The following TRPM3 variants were observed in gnomAD, a reference collection of about 807,000 sequenced individuals.
The protein encoded by TRPM3 is transient receptor potential cation channel subfamily M member 3.
Under a neutral mutation model 181.2 loss-of-function variants are expected in TRPM3, and 77 were observed. The ratio of observed to expected loss-of-function variants is 0.42; its 90% CI spans 0.35 to 0.51. The LOEUF (loss-of-function observed/expected upper bound fraction) is 0.51, where lower values mean the gene tolerates loss of function less well. Among genes scored for constraint, TRPM3 ranks in the 20% least tolerant of loss-of-function variants. The probability of loss-of-function intolerance (pLI) is 0.01; values close to 1 mark genes in which losing one functional copy is unlikely to be tolerated. For synonymous variants in TRPM3, 745 were observed against 796.4 expected, an observed-to-expected ratio of 0.94 and a Z score of 1.09; for missense variants, 1,759 against 2,196.7, an observed-to-expected ratio of 0.80 and a Z score of 3.98.
chr9:70,671,537 A>G (rs2062926600), intron 9 of TRPM3, among the ~76,000 whole-genome samples: 1 of 81,274 alleles, frequency 1.2e-5, no homozygotes, highest in Admixed American at 1.0e-4. Flanking sequence ...AGTGATTATT[A>G]TAATAAACAT....
intron 1 of TRPM3, among the ~76,000 whole-genome samples, chr9:71,007,448 C>G (rs2097691998): frequency 6.6e-6 from 1 of 151,572 alleles, no homozygotes; most frequent in Non-Finnish European, 1.5e-5. Context: ...GAACATTCTC[C>G]AAAAAAACTG....
chr9:70,908,786 A>G (rs1261397942), intron 1 of TRPM3, among the ~76,000 whole-genome samples: 1 of 152,158 alleles, frequency 6.6e-6, no homozygotes, highest in Non-Finnish European at 1.5e-5. Context: ...AGAATAATAG[A>G]CCAATGGAAC....
chr9:70,697,425 C>T (rs1283158322), intron 8 of TRPM3, among the ~76,000 whole-genome samples: 1 of 152,196 alleles, frequency 6.6e-6, no homozygotes, highest in Non-Finnish European at 1.5e-5. Flanking sequence ...TCTCTCTCTT[C>T]CTTGAGCCAA....
At chr9:71,398,089 A>T (rs1351295125) in intron 1 of TRPM3, among the ~76,000 whole-genome samples, 1 of 152,234 alleles carries the variant, frequency 6.6e-6, no homozygotes, top group Non-Finnish European at 1.5e-5. Flanking sequence ...TAAGCTAATC[A>T]GCCCCATGAT....
rs746648008 is a variant in TRPM3, at chr9:70,535,933, G to A, written c.*20C>T. 6 of 1,553,800 alleles carry A rather than the reference G, an allele frequency of 3.9e-6. No individual in the cohort carries two copies. Among genetic ancestry groups the A allele is most frequent in the East Asian group, 2.2e-5 (1 of 44,464 alleles). ...TTAGGGCTGGATTCTTGAGCCTTCT[G>A]TGGCGGATATTAAGAAGGTTTAGTT... On this transcript the variant is annotated 3_prime_UTR_variant, in exon 26 of 26. Transcript: ENST00000677713.
At chr9:70,793,823 A>G (rs2086283567) in intron 6 of TRPM3, 1 of 322,678 alleles carries the variant, frequency 3.1e-6, no homozygotes, top group African/African-American at 2.2e-5. Context: ...TCATACCACC[A>G]TTCGTCTTTC....
chr9:70,582,207 T>TG (rs1353970430), intron 22 of TRPM3, among the ~76,000 whole-genome samples: 3 of 151,702 alleles, frequency 2.0e-5, no homozygotes, highest in Admixed American at 6.6e-5. Flanking sequence ...TGTGTGTGTG[T>TG]GTGTCATGAA....
intron 25 of TRPM3, among the ~76,000 whole-genome samples, chr9:70,539,329 G>A (rs2042625872): frequency 6.6e-6 from 1 of 152,042 alleles, no homozygotes; most frequent in Admixed American, 6.5e-5. Context: ...TCTCCTGCTG[G>A]CCAGGAGCAT....
chr9:70,655,766 T>C (rs1464575218), intron 9 of TRPM3, among the ~76,000 whole-genome samples: 1 of 152,210 alleles, frequency 6.6e-6, no homozygotes, highest in Non-Finnish European at 1.5e-5. Flanking sequence ...TTTCCTTCAG[T>C]ATGCAAATTT....
intron 1 of TRPM3, among the ~76,000 whole-genome samples, chr9:71,282,659 T>C (rs1026304046): frequency 6.6e-6 from 1 of 152,348 alleles, no homozygotes; most frequent in East Asian, 1.9e-4. Flanking sequence ...ATGCTCTTTC[T>C]TGTTTAAGAC....
chr9:70,965,597 T>C (rs2097177337), intron 1 of TRPM3, among the ~76,000 whole-genome samples: 1 of 152,144 alleles, frequency 6.6e-6, no homozygotes, highest in Non-Finnish European at 1.5e-5. Context: ...TTTGTGTATG[T>C]TGAACCAACC....
At chr9:71,288,160 G>A (rs1209808009) in intron 1 of TRPM3, among the ~76,000 whole-genome samples, 2 of 151,078 alleles carry the variant, frequency 1.3e-5, no homozygotes, top group South Asian at 2.1e-4. Flanking sequence ...TCTAAACCCC[G>A]ATATTAAATT....
At chr9:71,144,834 A>G (rs1028923182) in intron 1 of TRPM3, among the ~76,000 whole-genome samples, 3 of 152,212 alleles carry the variant, frequency 2.0e-5, no homozygotes, top group African/African-American at 7.2e-5. Flanking sequence ...TTTAATGGAA[A>G]AAAATGAACA....
At chr9:71,287,339 G>A (rs1378377069) in intron 1 of TRPM3, among the ~76,000 whole-genome samples, 1 of 151,694 alleles carries the variant, frequency 6.6e-6, no homozygotes, top group African/African-American at 2.4e-5. Flanking sequence ...ACCTTCTGAA[G>A]TCTCAGGCAT....
Position 70,625,247 on chromosome 9 carries a change from T to C in TRPM3, c.1753A>G (p.Asn585Asp). The stretch of plus-strand genomic sequence containing the variant: ...GTCCGGAAGCGCTTGCGCGTGTAGT[T>C]GCAGCGATAAGCCCCGCCCATCAGG... The part of the protein sequence containing the change: ...EYLMGGAYRC[N>D]YTRKRFRTLY... The change falls in exon 14 of 26, where the codon AAC becomes GAC. Residue 585 changes from asparagine to aspartate, a missense_variant. By Grantham distance (23) the Asn-to-Asp change is conservative. This residue lies in a region of TRPM3 where 737 missense variants were observed against 957.4 expected (regional missense o/e 0.77). Coordinates refer to ENST00000677713, the MANE Select transcript of TRPM3 (RefSeq NM_001366145.2). This position sits in a 1 kb window ranked among gnomAD's most constrained non-coding sequence, Gnocchi z 4.8. The C allele has an allele frequency of 1.2e-6, 2 of 1,614,104 alleles. No individual in the cohort carries two copies. Among genetic ancestry groups the C allele is most frequent in the Non-Finnish European group, 1.7e-6 (2 of 1,180,020 alleles).
chr9:71,327,458 A>G (rs1281262672), intron 1 of TRPM3, among the ~76,000 whole-genome samples: 3 of 152,146 alleles, frequency 2.0e-5, no homozygotes, highest in African/African-American at 7.2e-5. Context: ...TATAGAGAAG[A>G]ATGTTATATG....
intron 6 of TRPM3, among the ~76,000 whole-genome samples, chr9:70,813,640 C>T (rs62545994): frequency 0.03 from 4,543 of 152,196 alleles, 90 homozygotes; most frequent in Middle Eastern, 0.058. Flanking sequence ...TGTACCTGCA[C>T]CTCCCGAAAC....
intron 6 of TRPM3, among the ~76,000 whole-genome samples, chr9:70,786,179 G>A (rs2083539419): frequency 6.6e-6 from 1 of 151,504 alleles, no homozygotes; most frequent in African/African-American, 2.4e-5. Flanking sequence ...AAAGATTAAG[G>A]GCTGGCCAGG....
intron 1 of TRPM3, among the ~76,000 whole-genome samples, chr9:71,090,790 A>T (rs1237011124): frequency 5.3e-5 from 8 of 152,198 alleles, no homozygotes; most frequent in Admixed American, 2.6e-4. Flanking sequence ...AAGAATAATG[A>T]CTACCTACTT....
Sources: gnomAD v4.1 joint callset for allele counts (sites outside exome capture counted in the v4.1 genomes callset) on GRCh38, gnomAD v4.1.1 for gene constraint, gnomAD v4.1.1 regional missense constraint, Gnocchi (gnomAD v3.1) non-coding constraint, MANE v1.5 for transcripts, NCBI Gene and HGNC (gene_info 2026-07-23, HGNC 2026-07-21) for gene names.